UNC5D: variants seen among roughly 807,000 people sequenced by gnomAD.
The protein encoded by UNC5D is netrin receptor UNC5D.
In UNC5D, 39 loss-of-function variants were observed where a neutral mutation model predicts 105.4. The ratio of observed to expected loss-of-function variants is 0.37; its 90% confidence interval spans 0.29 to 0.48. The LOEUF (loss-of-function observed/expected upper bound fraction) is 0.48, where lower values mean the gene tolerates loss of function less well. UNC5D is among the 20% of genes least tolerant of loss of function. UNC5D has a pLI of 0.98. For synonymous variants in UNC5D, 452 were observed against 450.4 expected, an observed-to-expected ratio of 1.00 and a Z score of -0.04; for missense variants, 991 against 1,202.4, an observed-to-expected ratio of 0.82 and a Z score of 2.60.
At chr8:35,660,052 A>T (rs1044613259) in intron 4 of UNC5D, among the ~76,000 whole-genome samples, 8 of 152,206 alleles carry the variant, frequency 5.3e-5, no homozygotes, top group African/African-American at 1.9e-4. Flanking sequence ...TTTTTGCCTG[A>T]AATTTCACTA....
intron 4 of UNC5D, among the ~76,000 whole-genome samples, chr8:35,680,340 C>G (rs958922093): frequency 6.6e-6 from 1 of 152,166 alleles, no homozygotes; most frequent in African/African-American, 2.4e-5. Flanking sequence ...GCTCTAACTT[C>G]TAACTTATTA....
In UNC5D at chr8:35,726,588, A is replaced by G. The variant is rs970080089; in HGVS notation, c.1681+59A>G. On this transcript the variant is annotated intron_variant, in intron 10 of 16. Transcript: ENST00000404895. ...TCATTTAAATGTTTCATTTTTACAC[A>G]GTTACTTCCCATCAGATTCATTTTA... 1.9e-6 allele frequency: 3 copies of G among 1,571,502 alleles called. No individual in the cohort carries two copies. In the Admixed American group the frequency reaches 5.2e-5, roughly 27 times the overall value.
intron 1 of UNC5D, among the ~76,000 whole-genome samples, chr8:35,441,482 GTACC>G (rs772092141): frequency 4.0e-5 from 6 of 151,766 alleles, no homozygotes; most frequent in Non-Finnish European, 2.9e-5. Flanking sequence ...GCCTTGGAAT[GTACC>G]CCCTGTAGAT....
chr8:35,615,081 A>T (rs889474959), intron 4 of UNC5D, among the ~76,000 whole-genome samples: 1 of 146,358 alleles, frequency 6.8e-6, no homozygotes, highest in Non-Finnish European at 1.5e-5. Context: ...ACAAAACTAA[A>T]AAAATAAAAT....
At chr8:35,358,188 A>G (rs993932142) in intron 1 of UNC5D, among the ~76,000 whole-genome samples, 1 of 152,222 alleles carries the variant, frequency 6.6e-6, no homozygotes, top group African/African-American at 2.4e-5. Context: ...TTATAAAGAT[A>G]CATACATGCG....
At chr8:35,350,358 G>C (rs922443464) in intron 1 of UNC5D, among the ~76,000 whole-genome samples, 2 of 151,878 alleles carry the variant, frequency 1.3e-5, no homozygotes, top group Non-Finnish European at 2.9e-5. Flanking sequence ...AATCTGACTC[G>C]CCTACTGAAG....
intron 4 of UNC5D, among the ~76,000 whole-genome samples, chr8:35,676,613 C>T (rs930233007): frequency 1.4e-4 from 22 of 152,156 alleles, no homozygotes; most frequent in African/African-American, 5.3e-4. Context: ...TAAATAATTT[C>T]TGAACTCAGC....
chr8:35,549,640 A>C (rs1021855120), intron 2 of UNC5D, 130 bp downstream of exon 2: 14 of 830,282 alleles, frequency 1.7e-5, no homozygotes, highest in African/African-American at 3.4e-5. Flanking sequence ...CATCACTCCC[A>C]GCATATAAGA....
At chr8:35,491,633 T>C (rs1417838876) in intron 1 of UNC5D, among the ~76,000 whole-genome samples, 1 of 152,042 alleles carries the variant, frequency 6.6e-6, no homozygotes, top group Non-Finnish European at 1.5e-5. Flanking sequence ...TGTGTGTGTG[T>C]AGGGATCCAC....
At chr8:35,282,955 C>G (rs1014538901) in intron 1 of UNC5D, among the ~76,000 whole-genome samples, 6 of 152,086 alleles carry the variant, frequency 3.9e-5, no homozygotes, top group African/African-American at 1.4e-4. Flanking sequence ...ATATGTTTCT[C>G]TTAATAGACT....
intron 1 of UNC5D, among the ~76,000 whole-genome samples, chr8:35,263,450 C>T (rs1804625628): frequency 6.6e-6 from 1 of 152,032 alleles, no homozygotes; most frequent in Non-Finnish European, 1.5e-5. Flanking sequence ...GTTACCCAGG[C>T]TGGAGTGCAG....
chr8:35,327,529 A>C (rs1330775883), intron 1 of UNC5D, among the ~76,000 whole-genome samples: 1 of 152,216 alleles, frequency 6.6e-6, no homozygotes. Context: ...CTGTGAGTGC[A>C]CAAGGTGCCT....
chr8:35,401,554 G>C, intron 1 of UNC5D, among the ~76,000 whole-genome samples: 1 of 152,256 alleles, frequency 6.6e-6, no homozygotes, highest in African/African-American at 2.4e-5. Context: ...AGGACACCTC[G>C]TTTCTCCTTG....
intron 4 of UNC5D, among the ~76,000 whole-genome samples, chr8:35,651,590 C>G (rs1823405694): frequency 2.0e-5 from 3 of 152,140 alleles, no homozygotes; most frequent in South Asian, 2.1e-4. Context: ...GAAATAAAAC[C>G]CTGCTGGGTG....
chr8:35,386,317 G>C (rs775956931), intron 1 of UNC5D, among the ~76,000 whole-genome samples: 30 of 151,980 alleles, frequency 2.0e-4, no homozygotes, highest in Non-Finnish European at 3.8e-4. Context: ...GAGAAACATG[G>C]TATTTCTTTC....
At chr8:35,769,656 C>G (rs1397308293) in intron 15 of UNC5D, among the ~76,000 whole-genome samples, 1 of 152,110 alleles carries the variant, frequency 6.6e-6, no homozygotes, top group East Asian at 1.9e-4. Context: ...TCTGGTGATA[C>G]ATATAATGCA....
In UNC5D at chr8:35,235,706, C is replaced by T; in HGVS notation, c.-79C>T. ...CTGAAGACTCCCGAGACCCATTCGA[C>T]TCGGGACCCTCATCGCCGACCCTTT... On this transcript the variant is annotated 5_prime_UTR_variant, in exon 1 of 17. Coordinates refer to ENST00000404895, the MANE Select transcript of UNC5D (RefSeq NM_080872.4). 5 of 1,101,614 alleles carry T rather than the reference C, an allele frequency of 4.5e-6. No individual in the cohort carries two copies. The highest frequency in any genetic ancestry group is 4.6e-6 in the Non-Finnish European group (4 of 870,060). The allele number at this position is 1,101,614 out of a possible 1,614,324, so 68.2% of individuals were successfully genotyped here.
chr8:35,397,362 G>A (rs1407414807), intron 1 of UNC5D, among the ~76,000 whole-genome samples: 1 of 152,204 alleles, frequency 6.6e-6, no homozygotes, highest in Non-Finnish European at 1.5e-5. Context: ...GCAGGTCTAG[G>A]AATGGTGTAA....
At chr8:35,536,904 G>A (rs1814885082) in intron 1 of UNC5D, among the ~76,000 whole-genome samples, 1 of 152,154 alleles carries the variant, frequency 6.6e-6, no homozygotes, top group Non-Finnish European at 1.5e-5. Context: ...GCTGAGGCAG[G>A]AGAATCACTT....
Sources: gnomAD v4.1 joint callset for allele counts (sites outside exome capture counted in the v4.1 genomes callset) on GRCh38, gnomAD v4.1.1 for gene constraint, MANE v1.5 for transcripts, NCBI Gene and HGNC (gene_info 2026-07-23, HGNC 2026-07-21) for gene names.